SLC2A14: variants seen among roughly 807,000 people sequenced by gnomAD.
SLC2A14 encodes solute carrier family 2 member 14, also known as solute carrier family 2, facilitated glucose transporter member 14.
Under a neutral mutation model 43.0 loss-of-function variants are expected in SLC2A14, and 13 were observed. The ratio of observed to expected loss-of-function variants is 0.30; its 90% CI spans 0.20 to 0.48. The LOEUF (loss-of-function observed/expected upper bound fraction) is 0.48, where lower values mean the gene tolerates loss of function less well. Ranked by LOEUF, SLC2A14 falls within the 20% of genes least tolerant of loss-of-function variation. The pLI, the probability that SLC2A14 is intolerant of heterozygous loss-of-function variation, is 0.99. For missense variants in SLC2A14, 428 were observed against 620.4 expected, an observed-to-expected ratio of 0.69 and a Z score of 3.29; for synonymous variants, 190 against 233.8, an observed-to-expected ratio of 0.81 and a Z score of 1.71.
At chr12:7,874,501 G>A (rs1361528758), upstream of SLC2A14, among the ~76,000 whole-genome samples, 4 of 151,292 alleles carry the variant, frequency 2.6e-5, no homozygotes, top group African/African-American at 9.7e-5. Context: ...GTGAAACCCC[G>A]TCTCTACTGA....
At chr12:7,864,864 A>G (rs2121024834) in intron 2 of SLC2A14, among the ~76,000 whole-genome samples, 1 of 152,118 alleles carries the variant, frequency 6.6e-6, no homozygotes, top group East Asian at 1.9e-4. Context: ...CTTTCCCTCT[A>G]TCTGAAACAC....
chr12:7,891,047 A>G lies in SLC2A14; in HGVS notation c.81T>C (p.Ser27=), dbSNP rs1407785567. 1.2e-5 allele frequency: 19 copies of G among 1,535,186 alleles called. No homozygotes were observed. The Admixed American group carries it at 3.7e-4, about 30-fold the overall frequency. ...TCTTCTCCAGAGTGGAGGTCTGAGA[A>G]GAAAAAAAGAAATGCCGCATTTCAT... Residue 27 remains serine (S), a synonymous_variant, in exon 1 of 10, where the codon TCT becomes TCC. Transcript: ENST00000539924.
Position 7,822,668 on chromosome 12 carries a change from CA to C in SLC2A14, c.865-1344del, listed in dbSNP as rs56052601. ...TGGGCAACAGAGCGAGACTCCATCTCAAAAAAAAAAAAAAAAGAAAGTGTAA... is the reference window on the plus strand; with the variant it reads ...TGGGCAACAGAGCGAGACTCCATCTCAAAAAAAAAAAAAAAGAAAGTGTAA... On this transcript the variant is annotated intron_variant, in intron 7 of 10. Transcript: ENST00000431042. Among the ~76,000 whole-genome samples, 205 of 119,186 alleles carry C rather than the reference CA, an allele frequency of 1.7e-3. 3 individuals carry two copies. The highest frequency in any genetic ancestry group is 0.016 in the East Asian group (63 of 4,010). 78.2% of individuals were successfully genotyped at this position (119,186 alleles called of 152,430 possible). A position where few individuals can be genotyped will look rare whatever the true frequency, so the allele number is the denominator to read the frequency against.
chr12:7,830,308 T>C (rs1203758514), intron 4 of SLC2A14, among the ~76,000 whole-genome samples: 1 of 151,938 alleles, frequency 6.6e-6, no homozygotes, highest in Non-Finnish European at 1.5e-5. Flanking sequence ...CCTGCCACCA[T>C]GCCTGGCTAA....
intron 2 of SLC2A14, among the ~76,000 whole-genome samples, chr12:7,855,829 G>A (rs1173049094): frequency 2.0e-5 from 3 of 151,410 alleles, no homozygotes; most frequent in Non-Finnish European, 4.4e-5. Context: ...TAGAAACGGG[G>A]TTTCACCATG....
chr12:7,830,622 C>G (rs1864941898), intron 4 of SLC2A14, among the ~76,000 whole-genome samples: 1 of 151,836 alleles, frequency 6.6e-6, no homozygotes, highest in Non-Finnish European at 1.5e-5. Context: ...GGTGACAGAG[C>G]AAGACCCTGC....
intron 2 of SLC2A14, among the ~76,000 whole-genome samples, chr12:7,854,445 T>G (rs1867187743): frequency 1.3e-5 from 2 of 152,158 alleles, no homozygotes; most frequent in Non-Finnish European, 2.9e-5. Context: ...TGAAGTAGTC[T>G]CCTAATGAGT....
intron 2 of SLC2A14, among the ~76,000 whole-genome samples, chr12:7,837,278 C>A (rs1286111834): frequency 6.6e-6 from 1 of 151,856 alleles, no homozygotes; most frequent in African/African-American, 2.4e-5. Context: ...TTTTATTTGT[C>A]AATTATACTT....
intron 2 of SLC2A14, among the ~76,000 whole-genome samples, chr12:7,840,617 C>T (rs1865871795): frequency 6.6e-6 from 1 of 152,146 alleles, no homozygotes; most frequent in Non-Finnish European, 1.5e-5. Flanking sequence ...AACTCCTAAC[C>T]TCAGGTGATC....
At chr12:7,869,053 A>G (rs757513442) in intron 2 of SLC2A14, among the ~76,000 whole-genome samples, 50 of 152,142 alleles carry the variant, frequency 3.3e-4, no homozygotes, top group African/African-American at 1.2e-3. Flanking sequence ...CTGAGGCAGA[A>G]GAATCGTTTG....
intron 2 of SLC2A14, among the ~76,000 whole-genome samples, chr12:7,856,792 G>A (rs1353928023): frequency 6.6e-6 from 1 of 151,944 alleles, no homozygotes; most frequent in Non-Finnish European, 1.5e-5. Flanking sequence ...AGTGGGATCA[G>A]GAAATCTGTA....
At chr12:7,849,621 C>T (rs1297652986) in intron 2 of SLC2A14, among the ~76,000 whole-genome samples, 5 of 151,344 alleles carry the variant, frequency 3.3e-5, no homozygotes, top group Non-Finnish European at 7.4e-5. Flanking sequence ...AAAGTCTGGG[C>T]TGGGTGCAGT....
At chr12:7,819,012 G>C (rs962653343) in intron 9 of SLC2A14, among the ~76,000 whole-genome samples, 2 of 152,134 alleles carry the variant, frequency 1.3e-5, no homozygotes, top group African/African-American at 2.4e-5. Flanking sequence ...GAGGTTGGGA[G>C]TTCGAGACCA....
intron 10 of SLC2A14, among the ~76,000 whole-genome samples, chr12:7,815,745 T>G (rs1402932146): frequency 6.6e-6 from 1 of 151,470 alleles, no homozygotes; most frequent in African/African-American, 2.4e-5. Context: ...CCTGGCAAAT[T>G]TTGTATTTTT....
chr12:7,876,948 T>C (rs10846102), upstream of SLC2A14, among the ~76,000 whole-genome samples: 149,295 of 151,624 alleles, frequency 0.98, 73,549 homozygotes, highest in East Asian at 1. Flanking sequence ...AGCATGATAT[T>C]CTCCATGTTG....
intron 2 of SLC2A14, among the ~76,000 whole-genome samples, chr12:7,865,214 A>AT (rs1224901741): frequency 1.3e-5 from 2 of 152,140 alleles, no homozygotes; most frequent in Non-Finnish European, 2.9e-5. Context: ...GGCATGAACC[A>AT]TACCTATATA....
intron 2 of SLC2A14, among the ~76,000 whole-genome samples, chr12:7,844,244 A>T (rs1369694614): frequency 6.6e-6 from 1 of 152,154 alleles, no homozygotes; most frequent in African/African-American, 2.4e-5. Flanking sequence ...GGAACCATAC[A>T]GTATGTACTC....
chr12:7,818,233 GA>G (rs1863646148), intron 9 of SLC2A14, among the ~76,000 whole-genome samples, 199 bp from the exon 10 acceptor site: 1 of 152,028 alleles, frequency 6.6e-6, no homozygotes, highest in South Asian at 2.1e-4. Context: ...GCCCAGGCTA[GA>G]GTGCAGTGGT....
At chr12:7,855,701 G>A (rs1386829665) in intron 2 of SLC2A14, among the ~76,000 whole-genome samples, 6 of 151,778 alleles carry the variant, frequency 4.0e-5, no homozygotes, top group East Asian at 1.9e-4. Context: ...GCAGTTGCAC[G>A]GCTTCAGCTC....
Sources: allele counts gnomAD v4.1 joint callset (sites outside exome capture counted in the v4.1 genomes callset), GRCh38; gene constraint gnomAD v4.1.1; transcripts MANE v1.5; gene names NCBI Gene and HGNC (gene_info 2026-07-23, HGNC 2026-07-21).